Variants in NUB1 observed in about 807,000 individuals in gnomAD.
NUB1 encodes NEDD8 ultimate buster 1.
A neutral mutation model predicts 77.1 loss-of-function variants in NUB1; 41 were observed. That is an observed-to-expected ratio of 0.53 (90% confidence interval 0.41 to 0.69). The LOEUF is 0.69. Among genes scored for constraint, NUB1 ranks in the 30% least tolerant of loss-of-function variants. The pLI, the probability that NUB1 is intolerant of heterozygous loss-of-function variation, is 0.00. For missense variants in NUB1, 643 were observed against 743.8 expected (o/e 0.86, Z 1.58); for synonymous variants, 257 against 281.0 (o/e 0.91, Z 0.85).
At chr7:151,348,677 G>A (rs1199114625) in intron 2 of NUB1, among the ~76,000 whole-genome samples, 1 of 140,122 alleles carries the variant, frequency 7.1e-6, no homozygotes, top group Admixed American at 7.9e-5. Flanking sequence ...CTGGGTTCAA[G>A]CGATTCTCCT....
At position 151,374,092 on chromosome 7, in the gene NUB1, T is replaced by C. The variant is rs774502088; in HGVS notation, c.1249-5T>C. The C allele has an allele frequency of 1.9e-6, 3 of 1,552,418 alleles. No homozygotes were observed. In the South Asian group the frequency reaches 3.6e-5, roughly 18 times the overall value. ...TTGGGATGGGACTTTGCTGTTTTCCTAAAGGAACTGGCCCAAATAAGGAAG... is the reference window on the plus strand; with the variant it reads ...TTGGGATGGGACTTTGCTGTTTTCCCAAAGGAACTGGCCCAAATAAGGAAG... On this transcript the variant is annotated splice_region_variant and splice_polypyrimidine_tract_variant and intron_variant, in intron 11 of 14. Transcript: ENST00000568733.
intron 7 of NUB1, among the ~76,000 whole-genome samples, chr7:151,357,280 T>C (rs374103313): frequency 6.6e-6 from 1 of 151,388 alleles, no homozygotes. Context: ...CGCACCACCA[T>C]GCCTGGCTAA....
intron 13 of NUB1, 136 bp downstream of exon 13, chr7:151,376,079 C>A: frequency 3.0e-6 from 2 of 676,870 alleles, no homozygotes; most frequent in Middle Eastern, 3.2e-4. Flanking sequence ...GTGTAACCTG[C>A]CCACCTCAGA....
At chr7:151,376,368 G>A (rs1798247099) in intron 13 of NUB1, 1 of 510,852 alleles carries the variant, frequency 2.0e-6, no homozygotes, top group African/African-American at 1.9e-5. Flanking sequence ...CTCGTGGTGA[G>A]GCTGGTGTGG....
intron 2 of NUB1, among the ~76,000 whole-genome samples, chr7:151,346,849 G>T (rs1007909294): frequency 6.6e-6 from 1 of 152,222 alleles, no homozygotes; most frequent in African/African-American, 2.4e-5. Context: ...GGGGGTGCTT[G>T]TGTGAACCCT....
intron 9 of NUB1, among the ~76,000 whole-genome samples, chr7:151,367,556 A>G (rs1314769298): frequency 6.6e-6 from 1 of 152,194 alleles, no homozygotes; most frequent in Non-Finnish European, 1.5e-5. Flanking sequence ...CTGCTGATGC[A>G]GACTCTCTGA....
intron 5 of NUB1, among the ~76,000 whole-genome samples, chr7:151,354,340 T>G (rs1196312927): frequency 6.7e-6 from 1 of 150,152 alleles, no homozygotes; most frequent in Non-Finnish European, 1.5e-5. Flanking sequence ...TTTTTTTTAA[T>G]CAAGATGGCT....
At chr7:151,364,992 A>ATTTTTT (rs1451002692) in intron 8 of NUB1, among the ~76,000 whole-genome samples, 1 of 146,118 alleles carries the variant, frequency 6.8e-6, no homozygotes, top group African/African-American at 2.5e-5. Flanking sequence ...TATTTTTATA[A>ATTTTTT]TTTTTTTTTT....
rs1797727039 is a variant in NUB1, at chr7:151,367,109, G to GACT, written c.972_974dup (p.Leu325dup). The stretch of plus-strand genomic sequence containing the variant: ...AATTGTTACGGAGAAAATCATCAGA[G>GACT]ACTGGTCCACATAAAAGTATGTTCC... On this transcript the variant is annotated inframe_insertion, in exon 9 of 15. Coordinates refer to ENST00000568733, the MANE Select transcript of NUB1 (RefSeq NM_001243351.2). The GACT allele has an allele frequency of 6.2e-7, 1 of 1,613,092 alleles. No individual in the cohort carries two copies. The highest frequency in any genetic ancestry group is 8.5e-7 in the Non-Finnish European group (1 of 1,179,510).
chr7:151,353,750 G>A lies in NUB1; in HGVS notation c.415+868G>A, dbSNP rs554669255. On this transcript the variant is annotated intron_variant, in intron 5 of 14. Coordinates refer to ENST00000568733, the MANE Select transcript of NUB1 (RefSeq NM_001243351.2). ...TTAGCTACTGCAGCCATCCATACAA[G>A]CACTGTAGCCCACTGGTTTCCAGTG... Among the ~76,000 whole-genome samples, 31 of 152,324 alleles carry A rather than the reference G, an allele frequency of 2.0e-4. 1 individual carries two copies. The South Asian group carries it at 6.4e-3, about 32-fold the overall frequency.
chr7:151,376,304 G>A (rs528625401), intron 13 of NUB1: 3 of 475,458 alleles, frequency 6.3e-6, no homozygotes, highest in South Asian at 2.5e-5. Flanking sequence ...GTCCACATTT[G>A]TGCCCCTACA....
rs1016552120 is a variant in NUB1, at chr7:151,371,225, A to T, written c.1248+2338A>T. ...ACAAAAAACCCAAAATGGCCTAAAC[A>T]TCAAAACAAGGGATGTGGTGGGATT... is the stretch of plus-strand genomic sequence containing the variant. On this transcript the variant is annotated intron_variant, in intron 11 of 14. Coordinates refer to ENST00000568733, the MANE Select transcript of NUB1 (RefSeq NM_001243351.2). Among the ~76,000 whole-genome samples the T allele has an allele frequency of 7.9e-5, 12 of 152,224 alleles. 1 individual carries two copies. The highest frequency in any genetic ancestry group is 7.9e-4 in the Admixed American group (12 of 15,284).
intron 5 of NUB1, among the ~76,000 whole-genome samples, chr7:151,354,126 T>C (rs376083985): frequency 7.2e-5 from 11 of 152,338 alleles, no homozygotes; most frequent in African/African-American, 2.6e-4. Context: ...CCCCTTTCTA[T>C]ATAAAGTTTA....
At chr7:151,348,263 G>T (rs948101095) in intron 2 of NUB1, among the ~76,000 whole-genome samples, 2 of 151,866 alleles carry the variant, frequency 1.3e-5, no homozygotes, top group Non-Finnish European at 2.9e-5. Flanking sequence ...CAATTCTAAA[G>T]CTCTCCCTTA....
At chr7:151,364,076 G>A (rs933580856) in intron 8 of NUB1, among the ~76,000 whole-genome samples, 1 of 150,422 alleles carries the variant, frequency 6.6e-6, no homozygotes, top group Non-Finnish European at 1.5e-5. Flanking sequence ...TTACAGGTGT[G>A]AGCCACCGCG....
At chr7:151,372,827 G>A (rs553447892) in intron 11 of NUB1, among the ~76,000 whole-genome samples, 1 of 152,256 alleles carries the variant, frequency 6.6e-6, no homozygotes, top group African/African-American at 2.4e-5. Flanking sequence ...GAGAGGTAGA[G>A]CACGTAATGG....
rs1263140664 is a variant in NUB1, at chr7:151,367,832, T to C, written c.988-29T>C. On this transcript the variant is annotated intron_variant, in intron 9 of 14. Coordinates refer to ENST00000568733, the MANE Select transcript of NUB1 (RefSeq NM_001243351.2). ...GACCTGTAATTAGAAATAAGGCAAT[T>C]TTATCCTTTTTTTCTTCAATAATTT... The C allele has an allele frequency of 3.5e-6, 5 of 1,418,948 alleles. No individual in the cohort carries two copies. In the South Asian group the frequency reaches 6.3e-5, roughly 18 times the overall value. 87.9% of individuals were successfully genotyped at this position (1,418,948 alleles called of 1,614,324 possible).
chr7:151,346,861 G>A (rs558717533), intron 2 of NUB1, among the ~76,000 whole-genome samples: 3 of 152,276 alleles, frequency 2.0e-5, no homozygotes, highest in Admixed American at 1.3e-4. Flanking sequence ...GTGAACCCTC[G>A]ACTTTGTAGC....
At position 151,356,212 on chromosome 7, in the gene NUB1, C is replaced by G. The variant is rs2150679552; in HGVS notation, c.683C>G (p.Ser228Ter). ...QTGRSIRIPP[S>*]ERKALMLAMG... The stretch of plus-strand genomic sequence containing the variant: ...GGCAGATCAATCAGAATTCCCCCAT[C>G]AGAAAGAAAAGTAAGTACTATGAGA... Residue 228 changes from serine to a stop codon, truncating the protein, a stop_gained, in exon 7 of 15, where the codon TCA becomes TGA. Coordinates refer to ENST00000568733, the MANE Select transcript of NUB1 (RefSeq NM_001243351.2). LOFTEE classifies it high-confidence loss of function. 6.2e-7 allele frequency: 1 copy of G among 1,610,742 alleles called. No homozygotes were observed. The highest frequency in any genetic ancestry group is 8.5e-7 in the Non-Finnish European group (1 of 1,177,020).
Sources: allele counts gnomAD v4.1 joint callset (sites outside exome capture counted in the v4.1 genomes callset), GRCh38; gene constraint gnomAD v4.1.1; transcripts MANE v1.5; gene names NCBI Gene and HGNC (gene_info 2026-07-23, HGNC 2026-07-21).